The following CNDP1 variants were observed in gnomAD, a reference collection of about 807,000 sequenced individuals.
The protein encoded by CNDP1 is carnosine dipeptidase 1, also known as beta-Ala-His dipeptidase.
CNDP1 carries 44 observed loss-of-function variants against 58.1 expected under a neutral mutation model. The observed-to-expected ratio is 0.76, with a 90% CI of 0.60 to 0.97. The LOEUF (loss-of-function observed/expected upper bound fraction) is 0.97, where lower values mean the gene tolerates loss of function less well. Ranked by LOEUF, CNDP1 falls within the 50% of genes least tolerant of loss-of-function variation. CNDP1 has a pLI of 0.00. For missense variants in CNDP1, 616 were observed against 655.1 expected (o/e 0.94, Z 0.65); for synonymous variants, 254 against 252.6 (o/e 1.01, Z -0.05).
chr18:74,559,526 T>A, intron 3 of CNDP1, 54 bp downstream of exon 3: 1 of 1,551,270 alleles, frequency 6.4e-7, no homozygotes, highest in Non-Finnish European at 8.7e-7. Flanking sequence ...ACGTCAGTCA[T>A]GCCTTCCCGG....
At chr18:74,582,651 C>T (rs573292193) in intron 10 of CNDP1, among the ~76,000 whole-genome samples, 39 of 152,082 alleles carry the variant, frequency 2.6e-4, no homozygotes, top group Non-Finnish European at 4.4e-4. Context: ...ACAAAACTAC[C>T]GACTGATAAG....
At chr18:74,538,961 C>A (rs1371399747) in intron 1 of CNDP1, among the ~76,000 whole-genome samples, 1 of 152,170 alleles carries the variant, frequency 6.6e-6, no homozygotes, top group African/African-American at 2.4e-5. Flanking sequence ...GGGTGTATCT[C>A]TTGCTCCAAG....
In CNDP1 at chr18:74,571,214, C is replaced by T; in HGVS notation, c.785C>T (p.Ser262Leu). 1 of 1,613,184 alleles carries T rather than the reference C, an allele frequency of 6.2e-7. No individual in the cohort carries two copies. Among genetic ancestry groups the T allele is most frequent in the South Asian group, 1.1e-5 (1 of 91,044 alleles). Residue 262 changes from serine (S) to leucine (L), a missense_variant, in exon 7 of 12, where the codon TCA becomes TTA. Coordinates refer to ENST00000358821, the MANE Select transcript of CNDP1 (RefSeq NM_032649.6). The stretch of plus-strand genomic sequence containing the variant: ...AAATGCAGAGACCAGGATTTTCACT[C>T]AGGAACCTTTGGTGGCATCCTTCAT... ...EVKCRDQDFH[S>L]GTFGGILHEP...
chr18:74,536,547 G>A (rs1256531533), intron 1 of CNDP1, among the ~76,000 whole-genome samples: 1 of 152,176 alleles, frequency 6.6e-6, no homozygotes, highest in Non-Finnish European at 1.5e-5. Flanking sequence ...TGTCATTGAT[G>A]GACATTTAGG....
chr18:74,546,571 A>G (rs1256620486), intron 1 of CNDP1, among the ~76,000 whole-genome samples: 2 of 152,154 alleles, frequency 1.3e-5, no homozygotes, highest in Non-Finnish European at 2.9e-5. Context: ...CTGAGGGCAC[A>G]TAGTAGGTCC....
At position 74,579,188 on chromosome 18, in the gene CNDP1, TCCTTCCCTTCCCTTG is replaced by T. The variant is rs377693611; in HGVS notation, c.1167+876_1167+890del. 8.3e-3 allele frequency among the ~76,000 whole-genome samples: 983 copies of T among 118,492 alleles called. 10 individuals are homozygous for T. The highest frequency in any genetic ancestry group is 0.028 in the African/African-American group (818 of 29,410). 77.7% of individuals were successfully genotyped at this position (118,492 alleles called of 152,430 possible). A position where few individuals can be genotyped will look rare whatever the true frequency, so the allele number is the denominator to read the frequency against. On this transcript the variant is annotated intron_variant, in intron 9 of 11. Transcript: ENST00000358821. The stretch of plus-strand genomic sequence containing the variant: ...CTCTCTCCCTTCTCCCTTCTCCCTT[TCCTTCCCTTCCCTTG>T]CCTTCCCTTCCCTTCCCTTCCCTTC...
rs145421455 is a variant in CNDP1 at position 74,539,666 on chromosome 18, C to T, written c.24+4975C>T. Among the ~76,000 whole-genome samples the T allele has an allele frequency of 1.4e-3, 219 of 152,346 alleles. 1 individual carries two copies. Among genetic ancestry groups the T allele is most frequent in the African/African-American group, 5.2e-3 (215 of 41,578 alleles). ...CTGGGATCAGTGGCGTTATTGCAAG[C>T]GCGGTGGCCATGAGCTCAGGTTGGC... On this transcript the variant is annotated intron_variant, in intron 1 of 11. Transcript: ENST00000358821.
intron 2 of CNDP1, among the ~76,000 whole-genome samples, chr18:74,557,689 G>T (rs954688211): frequency 2.0e-5 from 3 of 152,266 alleles, no homozygotes; most frequent in Non-Finnish European, 2.9e-5. Flanking sequence ...GCTCCTTGAG[G>T]TCTCCCTGGA....
chr18:74,566,103 C>T (rs1438802467), intron 5 of CNDP1, among the ~76,000 whole-genome samples: 4 of 152,228 alleles, frequency 2.6e-5, no homozygotes, highest in Non-Finnish European at 4.4e-5. Context: ...ACATTGGCCC[C>T]TTTTAGCTAC....
chr18:74,583,877 T>A, intron 11 of CNDP1, 169 bp downstream of exon 11: 1 of 669,504 alleles, frequency 1.5e-6, no homozygotes, highest in Non-Finnish European at 2.5e-6. Flanking sequence ...CTGGATGCCC[T>A]AGATCAGGTG....
chr18:74,571,886 C>A (rs1293865386), intron 7 of CNDP1, among the ~76,000 whole-genome samples: 2 of 152,112 alleles, frequency 1.3e-5, no homozygotes, highest in Non-Finnish European at 2.9e-5. Flanking sequence ...ACCTGTACGA[C>A]CTTGGTAAGT....
In CNDP1 at chr18:74,578,026, C is replaced by T. The variant is rs11875122; in HGVS notation, c.1003-137C>T. On this transcript the variant is annotated intron_variant, in intron 8 of 11. Transcript: ENST00000358821. ...TTGTGTCCTGAGGAAAAAGTCCTTG[C>T]GTGAGGCACAGCTGAGTAAGGTGAC... 1.5e-3 allele frequency: 1,068 copies of T among 727,848 alleles called. 7 individuals carry two copies. In the African/African-American group the frequency reaches 0.015, roughly 10 times the overall value. The allele number at this position is 727,848 out of a possible 1,614,324, so 45.1% of individuals were successfully genotyped here. A position where few individuals can be genotyped will look rare whatever the true frequency, so the allele number is the denominator to read the frequency against.
intron 1 of CNDP1, among the ~76,000 whole-genome samples, chr18:74,536,767 A>G (rs1300669635): frequency 6.6e-6 from 1 of 152,244 alleles, no homozygotes; most frequent in African/African-American, 2.4e-5. Context: ...CCAACAACGT[A>G]TAAGTTTTCC....
rs145787224 is a variant in CNDP1 at position 74,576,665 on chromosome 18, C to T, written c.842-204C>T. On this transcript the variant is annotated intron_variant, in intron 7 of 11. Coordinates refer to ENST00000358821, the MANE Select transcript of CNDP1 (RefSeq NM_032649.6). ...GGTGAACACTAAAGCAGGGCGGACT[C>T]CAGCTGCGTGATCCTGGTGACCAAC... The T allele has an allele frequency of 5.8e-5, 27 of 469,216 alleles. No homozygotes were observed. In the East Asian group the frequency reaches 8.3e-4, roughly 14 times the overall value. 29.1% of individuals were successfully genotyped at this position (469,216 alleles called of 1,614,324 possible). A position where few individuals can be genotyped will look rare whatever the true frequency, so the allele number is the denominator to read the frequency against.
At position 74,571,231 on chromosome 18, in the gene CNDP1, AT is replaced by A; in HGVS notation, c.803del (p.Ile268ThrfsTer17). 6.2e-7 allele frequency: 1 copy of A among 1,613,636 alleles called. No homozygotes were observed. Among genetic ancestry groups the A allele is most frequent in the Non-Finnish European group, 8.5e-7 (1 of 1,179,604 alleles). Reference sequence around the variant, plus strand: ...TTTTCACTCAGGAACCTTTGGTGGCATCCTTCATGAACCAATGGCTGATCTG... The same window carrying A: ...TTTTCACTCAGGAACCTTTGGTGGCACCTTCATGAACCAATGGCTGATCTG... ...QDFHSGTFGGILHEPMADLVA... is the reference protein window; with the variant it reads ...QDFHSGTFGGXLHEPMADLVA... On this transcript the variant is annotated frameshift_variant, in exon 7 of 12. Transcript: ENST00000358821. LOFTEE classifies it high-confidence loss of function.
intron 7 of CNDP1, among the ~76,000 whole-genome samples, chr18:74,575,831 A>ATGTG (rs386388202): frequency 3.2e-4 from 30 of 94,262 alleles, no homozygotes; most frequent in African/African-American, 1.1e-3. Flanking sequence ...GTGTGTATAC[A>ATGTG]TGTGTGTGTG....
intron 7 of CNDP1, among the ~76,000 whole-genome samples, chr18:74,572,790 CAAAAA>C (rs56059264): frequency 1.7e-5 from 1 of 60,068 alleles, no homozygotes; most frequent in East Asian, 5.4e-4. Context: ...GACCCTGTAT[CAAAAA>C]AAAAAAAAAA....
At chr18:74,575,293 C>T (rs1007964760) in intron 7 of CNDP1, among the ~76,000 whole-genome samples, 4 of 152,156 alleles carry the variant, frequency 2.6e-5, no homozygotes, top group African/African-American at 7.2e-5. Context: ...AGGCCTGGAT[C>T]GTTTTACTAG....
rs552546963 is a variant in CNDP1, at chr18:74,571,633, C to G, written c.841+363C>G. The stretch of plus-strand genomic sequence containing the variant: ...CGGGTGGAGGTGTGGTATTCCCAAG[C>G]AGCTGAACCACAAGTTCAACTTCAG... On this transcript the variant is annotated intron_variant, in intron 7 of 11. Coordinates refer to ENST00000358821, the MANE Select transcript of CNDP1 (RefSeq NM_032649.6). Among the ~76,000 whole-genome samples, 8 of 152,300 alleles carry G rather than the reference C, an allele frequency of 5.3e-5. No individual in the cohort carries two copies. In the East Asian group the frequency reaches 1.5e-3, roughly 29 times the overall value.
Sources: gnomAD v4.1 joint callset for allele counts (sites outside exome capture counted in the v4.1 genomes callset) on GRCh38, gnomAD v4.1.1 for gene constraint, MANE v1.5 for transcripts, NCBI Gene and HGNC (gene_info 2026-07-23, HGNC 2026-07-21) for gene names.